Variants in CDH18 observed in about 807,000 individuals in gnomAD.
CDH18 encodes cadherin 18.
Under a neutral mutation model 67.9 loss-of-function variants are expected in CDH18, and 31 were observed. The observed-to-expected ratio is 0.46, with a 90% CI of 0.34 to 0.62. CDH18 has a LOEUF of 0.62. Ranked by LOEUF, CDH18 falls within the 20% of genes least tolerant of loss-of-function variation. CDH18 has a pLI of 0.01. For missense variants in CDH18, 890 were observed against 975.5 expected, an observed-to-expected ratio of 0.91 and a Z score of 1.17; for synonymous variants, 362 against 347.2, an observed-to-expected ratio of 1.04 and a Z score of -0.48.
At chr5:19,642,865 A>G (rs757982962) in intron 5 of CDH18, among the ~76,000 whole-genome samples, 1 of 152,106 alleles carries the variant, frequency 6.6e-6, no homozygotes, top group Non-Finnish European at 1.5e-5. Flanking sequence ...ATAAAACAAT[A>G]AAGAGAATGA....
intron 2 of CDH18, among the ~76,000 whole-genome samples, chr5:20,216,656 C>A (rs976431802): frequency 6.6e-6 from 1 of 151,926 alleles, no homozygotes; most frequent in Admixed American, 6.6e-5. Context: ...CTCTGAGCTT[C>A]CTGCCTCACT....
chr5:20,426,920 C>T (rs914453047), intron 1 of CDH18, among the ~76,000 whole-genome samples: 3 of 150,974 alleles, frequency 2.0e-5, no homozygotes, highest in Admixed American at 2.0e-4. Flanking sequence ...TCCTTGAAAA[C>T]TCATTTTCTC....
At chr5:19,956,781 T>G (rs1232483569) in intron 2 of CDH18, among the ~76,000 whole-genome samples, 2 of 151,912 alleles carry the variant, frequency 1.3e-5, no homozygotes, top group African/African-American at 4.8e-5. Context: ...TGTTTTTAAT[T>G]TATCTTTTTC....
At chr5:19,567,274 G>C (rs1740580285) in intron 8 of CDH18, among the ~76,000 whole-genome samples, 1 of 152,034 alleles carries the variant, frequency 6.6e-6, no homozygotes, top group South Asian at 2.1e-4. Flanking sequence ...ACAAAACCTA[G>C]ACATTATATT....
At chr5:19,596,963 C>T (rs1746277620) in intron 6 of CDH18, among the ~76,000 whole-genome samples, 1 of 152,210 alleles carries the variant, frequency 6.6e-6, no homozygotes, top group African/African-American at 2.4e-5. Context: ...CTTGAGTAAT[C>T]ATTTCCTCTT....
At position 19,577,351 on chromosome 5, in the gene CDH18, A is replaced by G. The variant is rs553509906; in HGVS notation, c.1000-5519T>C. 1.6e-3 allele frequency among the ~76,000 whole-genome samples: 250 copies of G among 152,332 alleles called. 1 individual carries two copies. Among genetic ancestry groups the G allele is most frequent in the African/African-American group, 5.7e-3 (239 of 41,572 alleles). On this transcript the variant is annotated intron_variant, in intron 7 of 12. Coordinates refer to ENST00000382275, the MANE Select transcript of CDH18 (RefSeq NM_004934.5). ...TTATTTTCTGTCAATTAAATATTAA[A>G]TAAAACTTAGGAAAAAAGAAACCTA...
At chr5:20,080,069 C>A (rs755090904) in intron 2 of CDH18, among the ~76,000 whole-genome samples, 1 of 152,028 alleles carries the variant, frequency 6.6e-6, no homozygotes, top group Non-Finnish European at 1.5e-5. Flanking sequence ...TTTGGGGGAA[C>A]GCAAATATTC....
chr5:19,646,672 G>A (rs899809264), intron 5 of CDH18, among the ~76,000 whole-genome samples: 1 of 151,990 alleles, frequency 6.6e-6, no homozygotes, highest in Non-Finnish European at 1.5e-5. Flanking sequence ...TTAGAAGTAA[G>A]ATACTACAGA....
intron 4 of CDH18, among the ~76,000 whole-genome samples, chr5:19,722,650 A>G (rs1210871280): frequency 6.6e-6 from 1 of 151,796 alleles, no homozygotes; most frequent in Non-Finnish European, 1.5e-5. Context: ...TTCATTGCAG[A>G]ATTAGTGGGT....
intron 2 of CDH18, among the ~76,000 whole-genome samples, chr5:20,172,226 A>ATATATATATATATATATATATATATG (rs1736861001): frequency 9.4e-6 from 1 of 105,852 alleles, no homozygotes; most frequent in Non-Finnish European, 1.8e-5. Flanking sequence ...ATATATATGT[A>ATATATATATATATATATATATATATG]TATATATATA....
At chr5:20,560,052 C>T (rs1260347446) in intron 1 of CDH18, among the ~76,000 whole-genome samples, 3 of 152,096 alleles carry the variant, frequency 2.0e-5, no homozygotes, top group Non-Finnish European at 4.4e-5. Flanking sequence ...GCATCATATG[C>T]TCCAGTGAAC....
At chr5:19,864,978 G>C (rs1473478205) in intron 2 of CDH18, among the ~76,000 whole-genome samples, 1 of 152,134 alleles carries the variant, frequency 6.6e-6, no homozygotes, top group Non-Finnish European at 1.5e-5. Context: ...AGACAAGTCT[G>C]AAGAATTTCC....
Position 19,545,556 on chromosome 5 carries a change from T to C in CDH18, c.1254-1551A>G, listed in dbSNP as rs555105082. ...ACAAAGATGGAAAGATAGAAGATGA[T>C]GGAAAAAAGTGTACAACATACTGTT... On this transcript the variant is annotated intron_variant, in intron 8 of 12. Transcript: ENST00000382275. Among the ~76,000 whole-genome samples the C allele has an allele frequency of 1.1e-4, 17 of 152,282 alleles. 1 individual carries two copies. Among genetic ancestry groups the C allele is most frequent in the Admixed American group, 4.6e-4 (7 of 15,288 alleles).
At chr5:19,528,168 C>T (rs1274823961) in intron 9 of CDH18, among the ~76,000 whole-genome samples, 1 of 151,704 alleles carries the variant, frequency 6.6e-6, no homozygotes, top group Non-Finnish European at 1.5e-5. Flanking sequence ...TTATTTTCTA[C>T]TTTTTGTAAT....
At chr5:19,510,283 C>T (rs569930469) in intron 10 of CDH18, among the ~76,000 whole-genome samples, 167 of 152,128 alleles carry the variant, frequency 1.1e-3, no homozygotes, top group Non-Finnish European at 1.9e-3. Flanking sequence ...AATACAGATT[C>T]GGGCCATTTC....
At chr5:20,535,587 G>T (rs926251189) in intron 1 of CDH18, among the ~76,000 whole-genome samples, 1 of 152,044 alleles carries the variant, frequency 6.6e-6, no homozygotes, top group East Asian at 1.9e-4. Flanking sequence ...GTGTGGGAGG[G>T]TATTGCTCTG....
At chr5:19,740,216 A>G (rs12110179) in intron 4 of CDH18, among the ~76,000 whole-genome samples, 30 of 151,386 alleles carry the variant, frequency 2.0e-4, no homozygotes, top group African/African-American at 6.9e-4. Flanking sequence ...ATGCTTTTAA[A>G]TGGTATTTAA....
intron 2 of CDH18, among the ~76,000 whole-genome samples, chr5:20,090,007 G>A (rs7729698): frequency 0.021 from 3,266 of 152,112 alleles, 119 homozygotes; most frequent in African/African-American, 0.072. Flanking sequence ...CTCGCTTATG[G>A]AAAGTGTTTG....
chr5:19,713,265 A>G (rs973183750), intron 5 of CDH18, among the ~76,000 whole-genome samples: 1 of 152,128 alleles, frequency 6.6e-6, no homozygotes, highest in African/African-American at 2.4e-5. Context: ...ATGTAAAGGT[A>G]TAACTACCAT....
Sources: gnomAD v4.1 joint callset for allele counts (sites outside exome capture counted in the v4.1 genomes callset) on GRCh38, gnomAD v4.1.1 for gene constraint, MANE v1.5 for transcripts, NCBI Gene and HGNC (gene_info 2026-07-23, HGNC 2026-07-21) for gene names.